Variants in TBC1D13 observed in about 807,000 individuals in gnomAD.
TBC1D13 encodes TBC1 domain family member 13, also known as epididymis secretory sperm binding protein.
Under a neutral mutation model 53.6 loss-of-function variants are expected in TBC1D13, and 40 were observed. The ratio of observed to expected loss-of-function variants is 0.75; its 90% CI spans 0.58 to 0.97. The LOEUF is 0.97. Ranked by LOEUF, TBC1D13 falls within the 50% of genes least tolerant of loss-of-function variation. TBC1D13 has a pLI of 0.00. For missense variants in TBC1D13, 377 were observed against 499.4 expected, an observed-to-expected ratio of 0.75 and a Z score of 2.34; for synonymous variants, 182 against 197.7, an observed-to-expected ratio of 0.92 and a Z score of 0.67.
At chr9:128,789,867 A>G (rs1829499198) in intron 2 of TBC1D13, 1 of 150,966 alleles carries the variant, frequency 6.6e-6, no homozygotes, top group Non-Finnish European at 1.5e-5. Context: ...ATTATTGCTT[A>G]TAACAGGGGG....
At chr9:128,791,340 A>G in intron 3 of TBC1D13, 40 bp from the exon 4 acceptor site, 1 of 1,594,064 alleles carries the variant, frequency 6.3e-7, no homozygotes, top group Non-Finnish European at 8.6e-7. Context: ...ACGTTGGTGC[A>G]GGAGGGTCAC....
intron 11 of TBC1D13, among the ~76,000 whole-genome samples, chr9:128,807,141 C>T (rs1183306416): frequency 2.0e-5 from 3 of 147,988 alleles, no homozygotes; most frequent in Non-Finnish European, 4.5e-5. Context: ...GGCTGGAGTG[C>T]AGTGGTGCAA....
chr9:128,798,455 G>A (rs942042817), intron 7 of TBC1D13, among the ~76,000 whole-genome samples: 2 of 152,178 alleles, frequency 1.3e-5, no homozygotes, highest in Admixed American at 6.5e-5. Flanking sequence ...AGCAGTGTAA[G>A]CAGGGCAGTG....
At chr9:128,790,102 C>G (rs967651435) in intron 2 of TBC1D13, among the ~76,000 whole-genome samples, 1 of 151,062 alleles carries the variant, frequency 6.6e-6, no homozygotes, top group Non-Finnish European at 1.5e-5. Context: ...ACTAAAAATA[C>G]AAAAATTAGC....
At chr9:128,803,489 T>G in intron 8 of TBC1D13, 29 bp downstream of exon 8, 1 of 1,606,598 alleles carries the variant, frequency 6.2e-7, no homozygotes, top group Non-Finnish European at 8.5e-7. Context: ...CCCACATCCC[T>G]CGTTGCTGGC....
intron 6 of TBC1D13, among the ~76,000 whole-genome samples, chr9:128,796,804 T>C (rs1829638914): frequency 6.6e-6 from 1 of 151,816 alleles, no homozygotes; most frequent in Non-Finnish European, 1.5e-5. Flanking sequence ...GGCGTGGTGG[T>C]GGGCGCCTGT....
Position 128,797,097 on chromosome 9 carries a change from C to A in TBC1D13, c.426C>A (p.Asp142Glu). 6.2e-7 allele frequency: 1 copy of A among 1,614,112 alleles called. No homozygotes were observed. The highest frequency in any genetic ancestry group is 8.5e-7 in the Non-Finnish European group (1 of 1,180,018). Residue 142 changes from aspartate (D) to glutamate (E), a missense_variant, in exon 7 of 12, where the codon GAC (aspartate) becomes GAA (glutamate). Asp to Glu is a conservative substitution (Grantham distance 45). Coordinates refer to ENST00000372648, the MANE Select transcript of TBC1D13 (RefSeq NM_018201.5). ...TTTCCTTCTTCCAGAGGGCCACTGA[C>A]TACCCTTGCCTCCTCATCCTGGACC... ...PDISFFQRAT[D>E]YPCLLILDPQ...
chr9:128,791,776 C>T, intron 5 of TBC1D13, 83 bp downstream of exon 5: 2 of 1,218,564 alleles, frequency 1.6e-6, no homozygotes, highest in Non-Finnish European at 2.4e-6. Flanking sequence ...CCCCTGCATG[C>T]CAGGGGGTAG....
intron 6 of TBC1D13, among the ~76,000 whole-genome samples, chr9:128,795,371 C>A (rs1044403189): frequency 6.0e-5 from 9 of 150,584 alleles, no homozygotes; most frequent in Non-Finnish European, 1.3e-4. Context: ...TGCCACCACA[C>A]CTGGCTAATT....
At chr9:128,791,749 C>T in intron 5 of TBC1D13, 56 bp downstream of exon 5, 3 of 1,540,614 alleles carry the variant, frequency 1.9e-6, no homozygotes, top group Non-Finnish European at 2.7e-6. Flanking sequence ...GGGTGGCGGC[C>T]TTGGAGCAGG....
chr9:128,806,776 C>T (rs1302196012), intron 11 of TBC1D13, among the ~76,000 whole-genome samples: 1 of 152,086 alleles, frequency 6.6e-6, no homozygotes, highest in East Asian at 1.9e-4. Flanking sequence ...AACCCCGTCT[C>T]TACTAAAAAT....
At chr9:128,805,125 C>T (rs983671229) in intron 9 of TBC1D13, among the ~76,000 whole-genome samples, 7 of 152,038 alleles carry the variant, frequency 4.6e-5, no homozygotes, top group Non-Finnish European at 8.8e-5. Flanking sequence ...GCGGGAGGAT[C>T]GCTTGAGCCC....
chr9:128,801,772 T>TG (rs1468477957), intron 7 of TBC1D13, among the ~76,000 whole-genome samples: 2 of 150,514 alleles, frequency 1.3e-5, no homozygotes, highest in African/African-American at 4.9e-5. Flanking sequence ...TTTTTGTTTT[T>TG]TTTTTTTGAG....
At position 128,807,949 on chromosome 9, in the gene TBC1D13, A is replaced by G. The variant is rs1829868292; in HGVS notation, c.*70A>G. On this transcript the variant is annotated 3_prime_UTR_variant, in exon 12 of 12. Coordinates refer to ENST00000372648, the MANE Select transcript of TBC1D13 (RefSeq NM_018201.5). ...CTGTGCCCTGGCTCCCGGGACACATAGAAACCTGTAGGAACCCAGCCTGAG... is the reference window on the plus strand; with the variant it reads ...CTGTGCCCTGGCTCCCGGGACACATGGAAACCTGTAGGAACCCAGCCTGAG... 2 of 1,473,048 alleles carry G rather than the reference A, an allele frequency of 1.4e-6. No individual in the cohort carries two copies. Among genetic ancestry groups the G allele is most frequent in the Non-Finnish European group, 1.9e-6 (2 of 1,056,496 alleles). The allele number at this position is 1,473,048 out of a possible 1,614,324, so 91.2% of individuals were successfully genotyped here.
Position 128,805,910 on chromosome 9 carries a change from C to A in TBC1D13, c.970C>A (p.Leu324Met). ...QFFAFRWLTL[L>M]LSQEFLLPDV... ...CTTTGCCTTCCGCTGGCTGACACTGCTGCTGTCCCAGGAGTTCTTGCTGCC... is the reference window on the plus strand; with the variant it reads ...CTTTGCCTTCCGCTGGCTGACACTGATGCTGTCCCAGGAGTTCTTGCTGCC... The change falls in exon 10 of 12, where the codon CTG (leucine) becomes ATG (methionine). Residue 324 changes from leucine to methionine, a missense_variant. Transcript: ENST00000372648. 6.2e-7 allele frequency: 1 copy of A among 1,614,186 alleles called. No individual in the cohort carries two copies. Among genetic ancestry groups the A allele is most frequent in the Non-Finnish European group, 8.5e-7 (1 of 1,180,046 alleles).
intron 1 of TBC1D13, among the ~76,000 whole-genome samples, chr9:128,787,997 G>A (rs1829460883): frequency 6.6e-6 from 1 of 152,178 alleles, no homozygotes; most frequent in Non-Finnish European, 1.5e-5. Flanking sequence ...CGGCCTGGCC[G>A]GCAGGAAGTG....
At chr9:128,801,962 C>T (rs1315734833) in intron 7 of TBC1D13, among the ~76,000 whole-genome samples, 2 of 148,674 alleles carry the variant, frequency 1.3e-5, no homozygotes, top group African/African-American at 2.5e-5. Flanking sequence ...AGGGTTTCAC[C>T]GTGTTAGCTA....
rs1829924456 is a variant in TBC1D13, at chr9:128,810,265, C to G, written c.*2386C>G. The stretch of plus-strand genomic sequence containing the variant: ...TGCCTGAGGCTTCCTGCTTGAGAAC[C>G]TGCCCCCTGGATCTTGGACACTTAC... On this transcript the variant is annotated 3_prime_UTR_variant, in exon 12 of 12. Coordinates refer to ENST00000372648, the MANE Select transcript of TBC1D13 (RefSeq NM_018201.5). The G allele has an allele frequency of 6.6e-6, 1 of 152,252 alleles. No individual in the cohort carries two copies. The highest frequency in any genetic ancestry group is 1.5e-5 in the Non-Finnish European group (1 of 68,066). 9.4% of individuals were successfully genotyped at this position (152,252 alleles called of 1,614,324 possible).
rs1345573534 is a variant in TBC1D13, at chr9:128,806,782, A to C, written c.1137+471A>C. On this transcript the variant is annotated intron_variant, in intron 11 of 11. Coordinates refer to ENST00000372648, the MANE Select transcript of TBC1D13 (RefSeq NM_018201.5). ...ACATGGCGAAACCCCGTCTCTACTAAAAATACAAAAATTAGCCGGGCTTGG... is the reference window on the plus strand; with the variant it reads ...ACATGGCGAAACCCCGTCTCTACTACAAATACAAAAATTAGCCGGGCTTGG... Among the ~76,000 whole-genome samples, 5 of 152,082 alleles carry C rather than the reference A, an allele frequency of 3.3e-5. No individual in the cohort carries two copies. In the East Asian group the frequency reaches 9.7e-4, roughly 30 times the overall value.
Sources: allele counts gnomAD v4.1 joint callset (sites outside exome capture counted in the v4.1 genomes callset), GRCh38; gene constraint gnomAD v4.1.1; transcripts MANE v1.5; gene names NCBI Gene and HGNC (gene_info 2026-07-23, HGNC 2026-07-21).